Variants in MAGI1 observed in about 807,000 individuals in gnomAD.
MAGI1 encodes membrane associated guanylate kinase, WW and PDZ domain containing 1, also known as membrane-associated guanylate kinase, WW and PDZ domain-containing protein 1.
In MAGI1, 58 loss-of-function variants were observed where a neutral mutation model predicts 139.9. The observed-to-expected ratio is 0.41, with a 90% CI of 0.34 to 0.52. The LOEUF is 0.52. Ranked by LOEUF, MAGI1 falls within the 20% of genes least tolerant of loss-of-function variation. The pLI, the probability that MAGI1 is intolerant of heterozygous loss-of-function variation, is 0.12. For synonymous variants in MAGI1, 812 were observed against 737.9 expected (o/e 1.10, Z -1.63); for missense variants, 1,874 against 1,901.6 (o/e 0.99, Z 0.27).
chr3:65,547,973 A>G (rs564752314), intron 2 of MAGI1, among the ~76,000 whole-genome samples: 2 of 152,348 alleles, frequency 1.3e-5, no homozygotes, highest in East Asian at 3.9e-4. Flanking sequence ...ACAATGTTCA[A>G]ATGAGGAGTA....
chr3:65,645,003 A>C (rs541609570), intron 1 of MAGI1, among the ~76,000 whole-genome samples: 1 of 148,732 alleles, frequency 6.7e-6, no homozygotes, highest in Non-Finnish European at 1.5e-5. Context: ...TCTCAAAAAA[A>C]AAAATAAAAA....
At chr3:65,460,780 T>C (rs1949728145) in intron 5 of MAGI1, among the ~76,000 whole-genome samples, 1 of 152,140 alleles carries the variant, frequency 6.6e-6, no homozygotes, top group African/African-American at 2.4e-5. Flanking sequence ...CTCCCACTTA[T>C]AAGTGAGAAC....
intron 1 of MAGI1, among the ~76,000 whole-genome samples, chr3:65,931,455 C>G (rs1249018964): frequency 6.6e-6 from 1 of 152,186 alleles, no homozygotes; most frequent in African/African-American, 2.4e-5. Flanking sequence ...AGCTTGAACA[C>G]AGGAGTTCCA....
At chr3:65,744,333 G>A (rs1448034949) in intron 1 of MAGI1, among the ~76,000 whole-genome samples, 1 of 152,184 alleles carries the variant, frequency 6.6e-6, no homozygotes, top group Non-Finnish European at 1.5e-5. Flanking sequence ...TAGACGATGT[G>A]ACTCCAGATT....
Position 65,489,537 on chromosome 3 carries a change from T to C in MAGI1, c.550+3975A>G, listed in dbSNP as rs958286145. Among the ~76,000 whole-genome samples, 4 of 151,936 alleles carry C rather than the reference T, an allele frequency of 2.6e-5. No individual in the cohort carries two copies. The East Asian group carries it at 5.8e-4, about 22-fold the overall frequency. On this transcript the variant is annotated intron_variant, in intron 3 of 22. Coordinates refer to ENST00000402939, the MANE Select transcript of MAGI1 (RefSeq NM_001033057.2). ...AGGCAGGGGACATTTAAAATGTCCA[T>C]CTGCAGGGGGCTGGTTAAATAAGTT... is the stretch of plus-strand genomic sequence containing the variant.
At chr3:65,721,959 C>T (rs1273690880) in intron 1 of MAGI1, among the ~76,000 whole-genome samples, 1 of 151,940 alleles carries the variant, frequency 6.6e-6, no homozygotes, top group East Asian at 1.9e-4. Flanking sequence ...TATCCAGTTT[C>T]TTCTTCCTGG....
intron 1 of MAGI1, among the ~76,000 whole-genome samples, chr3:65,881,407 A>ACTCGAGGC (rs1325654418): frequency 6.6e-6 from 1 of 152,176 alleles, no homozygotes; most frequent in African/African-American, 2.4e-5. Context: ...CAGGAGGATC[A>ACTCGAGGC]CTCGAGGCCA....
At chr3:65,959,798 CTTTTTTT>C (rs33978400) in intron 1 of MAGI1, among the ~76,000 whole-genome samples, 11 of 60,266 alleles carry the variant, frequency 1.8e-4, no homozygotes, top group Admixed American at 3.1e-4. Context: ...TAAATTCTCT[CTTTTTTT>C]TTTTTTTTTT....
intron 1 of MAGI1, among the ~76,000 whole-genome samples, chr3:65,854,717 C>T (rs1041682310): frequency 6.6e-6 from 1 of 152,266 alleles, no homozygotes; most frequent in Non-Finnish European, 1.5e-5. Flanking sequence ...TAGTCTCTGT[C>T]ACCTAAATGA....
chr3:65,615,999 A>C (rs2083351052), intron 2 of MAGI1, among the ~76,000 whole-genome samples: 1 of 152,226 alleles, frequency 6.6e-6, no homozygotes, highest in South Asian at 2.1e-4. Flanking sequence ...ACAAATCAAA[A>C]GCCTAAGAAT....
chr3:65,394,205 T>A (rs1944193404), intron 13 of MAGI1, among the ~76,000 whole-genome samples: 1 of 152,070 alleles, frequency 6.6e-6, no homozygotes, highest in Admixed American at 6.6e-5. Flanking sequence ...GCAAATGAAG[T>A]CTACTGGAAA....
intron 12 of MAGI1, among the ~76,000 whole-genome samples, chr3:65,409,795 G>T (rs1945641165): frequency 6.6e-6 from 1 of 152,140 alleles, no homozygotes; most frequent in Non-Finnish European, 1.5e-5. Flanking sequence ...TGGTCATTAT[G>T]AAGTATTTTG....
At chr3:65,654,720 C>T (rs963641267) in intron 1 of MAGI1, among the ~76,000 whole-genome samples, 3 of 152,014 alleles carry the variant, frequency 2.0e-5, no homozygotes, top group African/African-American at 7.3e-5. Flanking sequence ...ATACTCTCTC[C>T]TCTACTCACC....
At chr3:65,964,999 A>C (rs1210619368) in intron 1 of MAGI1, among the ~76,000 whole-genome samples, 2 of 152,246 alleles carry the variant, frequency 1.3e-5, no homozygotes, top group Non-Finnish European at 2.9e-5. Context: ...TCATAAAGAC[A>C]AGCACATTCG....
intron 12 of MAGI1, among the ~76,000 whole-genome samples, chr3:65,429,131 T>C: frequency 6.6e-6 from 1 of 152,022 alleles, no homozygotes. Flanking sequence ...TATATATATA[T>C]AAAAAAACTT....
intron 1 of MAGI1, among the ~76,000 whole-genome samples, chr3:65,793,220 C>A (rs951277899): frequency 6.6e-6 from 1 of 152,148 alleles, no homozygotes; most frequent in South Asian, 2.1e-4. Flanking sequence ...ACCATGCTGG[C>A]GCTCTCAGGG....
At chr3:65,844,860 T>C (rs2058931715) in intron 1 of MAGI1, among the ~76,000 whole-genome samples, 1 of 152,154 alleles carries the variant, frequency 6.6e-6, no homozygotes, top group Admixed American at 6.6e-5. Flanking sequence ...GATCCCTAAC[T>C]CCACTCTTAA....
Position 65,478,687 on chromosome 3 carries a change from C to T in MAGI1, c.662G>A (p.Arg221Gln), listed in dbSNP as rs756986553. The T allele has an allele frequency of 3.1e-6, 5 of 1,614,010 alleles. No individual in the cohort carries two copies. Among genetic ancestry groups the T allele is most frequent in the East Asian group, 2.2e-5 (1 of 44,864 alleles). ...TTGCATATCATTGTAGGACTTGGTT[C>T]GCTTCGGGGTCGACTGCTTAGAGCC... ...QSGSKQSTPKRTKSYNDMQNA... is the reference protein window; with the variant it reads ...QSGSKQSTPKQTKSYNDMQNA... Residue 221 changes from arginine to glutamine, a missense_variant, in exon 4 of 23, where the codon CGA becomes CAA. Physicochemically the swap from Arg to Gln is conservative, Grantham distance 43 (BLOSUM62 1). Coordinates refer to ENST00000402939, the MANE Select transcript of MAGI1 (RefSeq NM_001033057.2).
chr3:65,592,150 T>C (rs1419782020), intron 2 of MAGI1, among the ~76,000 whole-genome samples: 1 of 152,214 alleles, frequency 6.6e-6, no homozygotes, highest in South Asian at 2.1e-4. Flanking sequence ...GTTAAATAAA[T>C]ACTTGTTGAA....
Sources: allele counts gnomAD v4.1 joint callset (sites outside exome capture counted in the v4.1 genomes callset), GRCh38; gene constraint gnomAD v4.1.1; transcripts MANE v1.5; gene names NCBI Gene and HGNC (gene_info 2026-07-23, HGNC 2026-07-21).